Variants in FOXP1 observed in about 807,000 individuals in gnomAD.
FOXP1 encodes forkhead box protein P1.
Under a neutral mutation model 98.2 loss-of-function variants are expected in FOXP1, and 15 were observed. That is an observed-to-expected ratio of 0.15 (90% confidence interval 0.10 to 0.24). The LOEUF is 0.24. Ranked by LOEUF, FOXP1 falls within the 10% of genes least tolerant of loss-of-function variation. The probability of loss-of-function intolerance (pLI) is 1.00; values close to 1 mark genes in which losing one functional copy is unlikely to be tolerated. For synonymous variants in FOXP1, 371 were observed against 314.5 expected, an observed-to-expected ratio of 1.18 and a Z score of -1.90; for missense variants, 633 against 848.5, an observed-to-expected ratio of 0.75 and a Z score of 3.15.
chr3:71,521,369 A>T (rs2042973137), intron 2 of FOXP1, among the ~76,000 whole-genome samples: 1 of 152,184 alleles, frequency 6.6e-6, no homozygotes, highest in Non-Finnish European at 1.5e-5. Flanking sequence ...TCTACTAAAA[A>T]TACAAAAATT....
At chr3:71,269,923 C>T (rs1313678160) in intron 5 of FOXP1, among the ~76,000 whole-genome samples, 1 of 151,992 alleles carries the variant, frequency 6.6e-6, no homozygotes, top group Non-Finnish European at 1.5e-5. Context: ...TATTAGAAAC[C>T]AATAAGTTAG....
chr3:71,251,469 A>G (rs530819322), intron 5 of FOXP1, among the ~76,000 whole-genome samples: 1 of 152,234 alleles, frequency 6.6e-6, no homozygotes, highest in Non-Finnish European at 1.5e-5. Context: ...AAAACCAGCC[A>G]TACAACGTTA....
chr3:71,225,450 G>C lies in FOXP1; in HGVS notation c.-11-27058C>G, dbSNP rs562926940. Among the ~76,000 whole-genome samples the C allele has an allele frequency of 9.9e-5, 15 of 152,276 alleles. No homozygotes were observed. The South Asian group carries it at 3.1e-3, about 32-fold the overall frequency. On this transcript the variant is annotated intron_variant, in intron 5 of 20. Transcript: ENST00000649528. Reference sequence around the variant, plus strand: ...CATGTTAAACAAATAACTCTTAAAAGAAGTAGGAGAAAAACATTTTAACGT... The same window carrying C: ...CATGTTAAACAAATAACTCTTAAAACAAGTAGGAGAAAAACATTTTAACGT...
At chr3:71,138,759 G>C (rs2059932854) in intron 6 of FOXP1, among the ~76,000 whole-genome samples, 1 of 152,152 alleles carries the variant, frequency 6.6e-6, no homozygotes, top group Non-Finnish European at 1.5e-5. Flanking sequence ...TATGTGATAG[G>C]AGCACATTCA....
chr3:71,475,610 A>AG (rs1409711471), intron 3 of FOXP1, among the ~76,000 whole-genome samples: 4 of 152,158 alleles, frequency 2.6e-5, no homozygotes, highest in African/African-American at 9.7e-5. Flanking sequence ...TGGGAGGGTG[A>AG]GGTGGGCAGA....
intron 6 of FOXP1, among the ~76,000 whole-genome samples, chr3:71,132,913 A>C (rs2059641280): frequency 6.6e-6 from 1 of 152,058 alleles, no homozygotes; most frequent in African/African-American, 2.4e-5. Flanking sequence ...GATGTGCTAA[A>C]GTCGATGATT....
At chr3:71,104,078 TACC>T (rs2057221170) in intron 7 of FOXP1, among the ~76,000 whole-genome samples, 1 of 152,208 alleles carries the variant, frequency 6.6e-6, no homozygotes, top group African/African-American at 2.4e-5. Flanking sequence ...AAGAGTATTT[TACC>T]ACTTTGGGGA....
intron 3 of FOXP1, among the ~76,000 whole-genome samples, chr3:71,443,749 AT>A (rs35789189): frequency 6.6e-6 from 1 of 151,938 alleles, no homozygotes; most frequent in African/African-American, 2.4e-5. Context: ...TCCTTTTGTC[AT>A]TTTTTTCTCA....
chr3:71,005,621 AC>A (rs1338778136), intron 12 of FOXP1, among the ~76,000 whole-genome samples: 2 of 152,118 alleles, frequency 1.3e-5, no homozygotes, highest in African/African-American at 4.8e-5. Context: ...ATCTCCAAAG[AC>A]CCACCCTTGA....
At chr3:71,492,407 G>A (rs916633010) in intron 3 of FOXP1, among the ~76,000 whole-genome samples, 7 of 151,042 alleles carry the variant, frequency 4.6e-5, no homozygotes, top group Middle Eastern at 3.4e-3. Context: ...AGCCGAGATC[G>A]CGCCACTGCA....
intron 3 of FOXP1, among the ~76,000 whole-genome samples, chr3:71,396,344 G>A (rs1372330215): frequency 6.6e-6 from 1 of 152,122 alleles, no homozygotes; most frequent in Non-Finnish European, 1.5e-5. Context: ...GCCCTAAGAC[G>A]TGCACCTGGG....
At chr3:71,272,977 C>A (rs1406238391) in intron 5 of FOXP1, among the ~76,000 whole-genome samples, 1 of 152,144 alleles carries the variant, frequency 6.6e-6, no homozygotes, top group Non-Finnish European at 1.5e-5. Context: ...TCTCCCTCCC[C>A]CAGTAGAGCC....
intron 19 of FOXP1, among the ~76,000 whole-genome samples, chr3:70,967,687 G>GTTTTTTTTGTTTGTTT (rs2035149880): frequency 1.6e-5 from 1 of 61,358 alleles, no homozygotes; most frequent in African/African-American, 5.7e-5. Flanking sequence ...ACTATTATTT[G>GTTTTTTTTGTTTGTTT]TTTTTTTTTT....
At chr3:71,170,100 G>A (rs557908965) in intron 6 of FOXP1, among the ~76,000 whole-genome samples, 90 of 152,268 alleles carry the variant, frequency 5.9e-4, no homozygotes, top group South Asian at 2.1e-4. Flanking sequence ...CAGCACAATC[G>A]TATTTATCTT....
chr3:71,302,601 G>A (rs527803893), intron 4 of FOXP1: 45 of 149,820 alleles, frequency 3.0e-4, no homozygotes, highest in African/African-American at 8.8e-4. Flanking sequence ...GTCTCCATAC[G>A]AATTGCGTTT....
intron 3 of FOXP1, among the ~76,000 whole-genome samples, chr3:71,394,929 C>T (rs866763894): frequency 4.6e-5 from 7 of 152,006 alleles, no homozygotes; most frequent in Middle Eastern, 3.4e-3. Flanking sequence ...GGAGAAACCT[C>T]GTCTCTACTA....
At chr3:71,233,758 A>T (rs1421764285) in intron 5 of FOXP1, among the ~76,000 whole-genome samples, 2 of 152,148 alleles carry the variant, frequency 1.3e-5, no homozygotes, top group Non-Finnish European at 2.9e-5. Context: ...GAAGGACAAA[A>T]GAGGATCAGG....
chr3:71,400,387 C>T (rs1480361807), intron 3 of FOXP1, among the ~76,000 whole-genome samples: 1 of 151,760 alleles, frequency 6.6e-6, no homozygotes, highest in South Asian at 2.1e-4. Context: ...GACAGAGTCT[C>T]GTTCTGTTGC....
chr3:71,569,516 C>T (rs1269492014), intron 2 of FOXP1, among the ~76,000 whole-genome samples: 1 of 152,060 alleles, frequency 6.6e-6, no homozygotes, highest in Non-Finnish European at 1.5e-5. Context: ...ATATAGAAGA[C>T]AGTTGTATTA....
Sources: allele counts gnomAD v4.1 joint callset (sites outside exome capture counted in the v4.1 genomes callset), GRCh38; gene constraint gnomAD v4.1.1; transcripts MANE v1.5; gene names NCBI Gene and HGNC (gene_info 2026-07-23, HGNC 2026-07-21).